Variants in PCGF3 observed in about 807,000 individuals in gnomAD.
PCGF3 encodes polycomb group RING finger protein 3.
PCGF3 carries 7 observed loss-of-function variants against 33.1 expected under a neutral mutation model. The observed-to-expected ratio is 0.21, with a 90% CI of 0.12 to 0.40. PCGF3 has a LOEUF of 0.40. Among genes scored for constraint, PCGF3 ranks in the 10% least tolerant of loss-of-function variants. The pLI, the probability that PCGF3 is intolerant of heterozygous loss-of-function variation, is 1.00. For missense variants in PCGF3, 211 were observed against 313.3 expected (o/e 0.67, Z 2.46); for synonymous variants, 153 against 121.3 (o/e 1.26, Z -1.72).
At chr4:742,812 G>A (rs919859110) in intron 6 of PCGF3, among the ~76,000 whole-genome samples, 2 of 152,162 alleles carry the variant, frequency 1.3e-5, no homozygotes, top group African/African-American at 2.4e-5. Context: ...ACCAGGGGGC[G>A]CTCTTAACCC....
chr4:726,608 C>T (rs1743343908), intron 1 of PCGF3, among the ~76,000 whole-genome samples: 1 of 152,202 alleles, frequency 6.6e-6, no homozygotes, highest in South Asian at 2.1e-4. Flanking sequence ...CATCCACGAT[C>T]ATGACGATAC....
intron 3 of PCGF3, chr4:732,322 C>G (rs537813027): frequency 7.8e-5 from 12 of 154,008 alleles, no homozygotes; most frequent in African/African-American, 2.7e-4. Flanking sequence ...CCCTACCCTC[C>G]CCTCCCCTTC....
chr4:752,148 A>G (rs1205763051), intron 8 of PCGF3, among the ~76,000 whole-genome samples: 1 of 152,216 alleles, frequency 6.6e-6, no homozygotes, highest in African/African-American at 2.4e-5. Flanking sequence ...GGCGTTTCCC[A>G]CACTTGACCT....
chr4:717,209 G>A (rs369602694), intron 1 of PCGF3, among the ~76,000 whole-genome samples: 1 of 22,502 alleles, frequency 4.4e-5, no homozygotes, highest in Non-Finnish European at 7.8e-5. Flanking sequence ...TAGACACTGA[G>A]TGTGAGAACT....
intron 3 of PCGF3, 30 bp from the exon 4 acceptor site, chr4:733,642 G>A (rs745898798): frequency 1.9e-6 from 3 of 1,582,682 alleles, no homozygotes; most frequent in South Asian, 2.3e-5. Flanking sequence ...AAGAGTTTCA[G>A]GTGTTAATTA....
chr4:742,223 C>CTG (rs1321134450), intron 6 of PCGF3, among the ~76,000 whole-genome samples: 1 of 150,396 alleles, frequency 6.6e-6, no homozygotes, highest in Non-Finnish European at 1.5e-5. Context: ...CCTCCTCTCT[C>CTG]CCCAGGCTCT....
chr4:733,603 C>A (rs562135732), intron 3 of PCGF3, 69 bp from the exon 4 acceptor site: 179 of 1,484,772 alleles, frequency 1.2e-4, no homozygotes, highest in Admixed American at 1.9e-4. Context: ...GGGCGGCTGT[C>A]AGAGCTCAGC....
intron 8 of PCGF3, among the ~76,000 whole-genome samples, chr4:748,633 G>A (rs1744375900): frequency 1.3e-5 from 2 of 152,222 alleles, no homozygotes; most frequent in South Asian, 4.1e-4. Context: ...GTTCAGAGAA[G>A]GGGTCCGGAG....
At chr4:726,113 TG>T (rs1475309661) in intron 1 of PCGF3, among the ~76,000 whole-genome samples, 3 of 152,198 alleles carry the variant, frequency 2.0e-5, no homozygotes, top group Admixed American at 2.0e-4. Flanking sequence ...AATGGTCTCG[TG>T]GGTGCGCACC....
chr4:749,517 G>GTTTT (rs1744421019), intron 8 of PCGF3, among the ~76,000 whole-genome samples: 1 of 91,810 alleles, frequency 1.1e-5, no homozygotes, highest in African/African-American at 4.5e-5. Context: ...GTCTCACTTT[G>GTTTT]TCGCCAGGCT....
Position 721,051 on chromosome 4 carries a change from C to T in PCGF3, c.-189-9579C>T, listed in dbSNP as rs1743057552. On this transcript the variant is annotated intron_variant, in intron 1 of 10. Transcript: ENST00000362003. This position sits in a 1 kb window ranked among gnomAD's most constrained non-coding sequence, Gnocchi z 4.1. ...GAGGCATGGAGCAGACGGGACTCCA[C>T]GTGGCACCACCCCTCCCACCTGGGC... Among the ~76,000 whole-genome samples the T allele has an allele frequency of 6.6e-6, 1 of 152,070 alleles. No homozygotes were observed. Among genetic ancestry groups the T allele is most frequent in the South Asian group, 2.1e-4 (1 of 4,834 alleles).
chr4:711,236 G>A (rs1742548231), intron 1 of PCGF3, among the ~76,000 whole-genome samples: 1 of 152,234 alleles, frequency 6.6e-6, no homozygotes, highest in Admixed American at 6.5e-5. Context: ...GACTACAGCG[G>A]CTCTGTGGCA....
intron 1 of PCGF3, among the ~76,000 whole-genome samples, chr4:706,651 G>GT (rs1302532859): frequency 1.5e-4 from 20 of 135,616 alleles, no homozygotes; most frequent in East Asian, 7.0e-4. Context: ...CAGGACCCAG[G>GT]GAGGGCGAAG....
chr4:766,185 AAT>A (rs1369547786), exon 11 of PCGF3: 1 of 823,954 alleles, frequency 1.2e-6, no homozygotes, highest in Non-Finnish European at 2.0e-6. Context: ...CAGACTTCTG[AAT>A]AGAGAATATT....
At chr4:733,968 T>C (rs1743728952) in intron 4 of PCGF3, 179 bp downstream of exon 4, 1 of 1,551,288 alleles carries the variant, frequency 6.4e-7, no homozygotes, top group African/African-American at 1.4e-5. Context: ...ACGCTAAAGG[T>C]CCTGTGGGTG....
chr4:742,185 C>T (rs1744124211), intron 6 of PCGF3, among the ~76,000 whole-genome samples: 1 of 147,950 alleles, frequency 6.8e-6, no homozygotes, highest in East Asian at 2.0e-4. Context: ...GGGGTCCCCT[C>T]CTCTCTCTGC....
At chr4:738,732 G>T (rs1743953077) in intron 6 of PCGF3, among the ~76,000 whole-genome samples, 1 of 151,642 alleles carries the variant, frequency 6.6e-6, no homozygotes, top group Non-Finnish European at 1.5e-5. Context: ...GGTGTCAGGT[G>T]CCTGTAATCC....
chr4:752,657 C>G (rs1411307938), intron 8 of PCGF3, among the ~76,000 whole-genome samples: 1 of 152,190 alleles, frequency 6.6e-6, no homozygotes, highest in East Asian at 1.9e-4. Context: ...GGGGGCCATG[C>G]AGTCTTGGGG....
chr4:713,469 C>G (rs1490004936), intron 1 of PCGF3, among the ~76,000 whole-genome samples: 1 of 131,300 alleles, frequency 7.6e-6, no homozygotes, highest in African/African-American at 2.9e-5. Context: ...GGGCTATGGC[C>G]TCATGGGTCC....
Sources: allele counts gnomAD v4.1 joint callset (sites outside exome capture counted in the v4.1 genomes callset), GRCh38; gene constraint gnomAD v4.1.1; non-coding constraint Gnocchi (gnomAD v3.1); transcripts MANE v1.5; gene names NCBI Gene and HGNC (gene_info 2026-07-23, HGNC 2026-07-21).